EIF3E: variants seen among roughly 807,000 people sequenced by gnomAD.
EIF3E encodes the protein eukaryotic translation initiation factor 3 subunit E.
Under a neutral mutation model 59.3 loss-of-function variants are expected in EIF3E, and 25 were observed. That is an observed-to-expected ratio of 0.42 (90% CI 0.31 to 0.59). EIF3E has a LOEUF of 0.59. Ranked by LOEUF, EIF3E falls within the 20% of genes least tolerant of loss-of-function variation. The pLI is 0.15. For missense variants in EIF3E, 317 were observed against 534.3 expected (o/e 0.59, Z 4.01); for synonymous variants, 176 against 170.2 (o/e 1.03, Z -0.26).
chr8:108,237,747 C>G (rs948245906), intron 3 of EIF3E, among the ~76,000 whole-genome samples: 1 of 152,102 alleles, frequency 6.6e-6, no homozygotes, highest in Non-Finnish European at 1.5e-5. Context: ...TCAACAAAAA[C>G]TGAACATTTG....
At chr8:108,240,807 C>T (rs1308139776) in intron 2 of EIF3E, among the ~76,000 whole-genome samples, 1 of 152,076 alleles carries the variant, frequency 6.6e-6, no homozygotes, top group African/African-American at 2.4e-5. Context: ...TGGTGAAACC[C>T]CGTCTCTACT....
At chr8:108,229,308 C>CA (rs1436518508) in intron 5 of EIF3E, 113 bp from the exon 6 acceptor site, 1 of 1,063,856 alleles carries the variant, frequency 9.4e-7, no homozygotes, top group Non-Finnish European at 1.3e-6. Flanking sequence ...TAGCTTTCTA[C>CA]AAAAAACTGT....
chr8:108,216,767 A>G (rs1815312819), intron 8 of EIF3E, among the ~76,000 whole-genome samples: 1 of 152,110 alleles, frequency 6.6e-6, no homozygotes, highest in African/African-American at 2.4e-5. Context: ...TCTACTACCA[A>G]AAGTCTCCCT....
At chr8:108,243,678 T>A (rs1347015005) in intron 1 of EIF3E, among the ~76,000 whole-genome samples, 2 of 151,764 alleles carry the variant, frequency 1.3e-5, no homozygotes, top group African/African-American at 4.8e-5. Flanking sequence ...TGTAATGTTT[T>A]ATTTATTAAT....
chr8:108,225,848 A>G (rs1035580489), intron 7 of EIF3E, among the ~76,000 whole-genome samples: 2 of 151,968 alleles, frequency 1.3e-5, no homozygotes, highest in Non-Finnish European at 2.9e-5. Context: ...AAAAATGTAA[A>G]GCAATGTCAC....
At chr8:108,242,943 T>C (rs1815868122) in intron 1 of EIF3E, 1 of 153,236 alleles carries the variant, frequency 6.5e-6, no homozygotes, top group Non-Finnish European at 1.5e-5. Flanking sequence ...GTAAGATTTT[T>C]ATCTCCCAAA....
chr8:108,227,320 T>C (rs185801012), intron 7 of EIF3E: 2 of 151,676 alleles, frequency 1.3e-5, no homozygotes, highest in East Asian at 1.9e-4. Context: ...CCAGACATTA[T>C]CTAAAAAAAA....
chr8:108,221,756 C>T (rs866926549), intron 7 of EIF3E, among the ~76,000 whole-genome samples: 6 of 132,090 alleles, frequency 4.5e-5, no homozygotes, highest in Non-Finnish European at 7.4e-5. Context: ...TCTGTCTCAA[C>T]TACTTAGATC....
intron 9 of EIF3E, among the ~76,000 whole-genome samples, chr8:108,216,129 C>T (rs552500775): frequency 1.3e-5 from 2 of 152,162 alleles, no homozygotes; most frequent in African/African-American, 2.4e-5. Flanking sequence ...ATTTAAATTA[C>T]CCCCAATGTT....
intron 1 of EIF3E, chr8:108,242,544 A>G (rs1815857902): frequency 1.7e-6 from 2 of 1,170,268 alleles, no homozygotes; most frequent in South Asian, 3.5e-5. Context: ...AAAAGAAAAG[A>G]TTTCTGTACT....
intron 7 of EIF3E, among the ~76,000 whole-genome samples, chr8:108,220,667 C>T (rs565332121): frequency 6.0e-4 from 92 of 152,282 alleles, no homozygotes; most frequent in Non-Finnish European, 1.1e-3. Flanking sequence ...TGTTTGATAA[C>T]GGGTTGGGGG....
chr8:108,218,184 CT>C (rs1228756697), intron 7 of EIF3E, among the ~76,000 whole-genome samples: 1 of 37,862 alleles, frequency 2.6e-5, no homozygotes, highest in Non-Finnish European at 5.2e-5. Flanking sequence ...TCAGAATTAT[CT>C]GTCAATAAAG....
intron 10 of EIF3E, among the ~76,000 whole-genome samples, chr8:108,211,134 A>G (rs1325961899): frequency 1.3e-5 from 2 of 152,124 alleles, no homozygotes; most frequent in Non-Finnish European, 2.9e-5. Flanking sequence ...GCTGGGTCAA[A>G]TGGTATTTCT....
chr8:108,227,051 C>G (rs1010493715), intron 7 of EIF3E, among the ~76,000 whole-genome samples: 1 of 151,972 alleles, frequency 6.6e-6, no homozygotes, highest in Non-Finnish European at 1.5e-5. Context: ...AGGGCTGGGC[C>G]CAGTGGCTCA....
At chr8:108,225,593 C>G (rs958475491) in intron 7 of EIF3E, among the ~76,000 whole-genome samples, 5 of 151,522 alleles carry the variant, frequency 3.3e-5, no homozygotes, top group African/African-American at 7.4e-5. Context: ...TACAAACAAC[C>G]TTTTAAAAAC....
chr8:108,202,555 T>G (rs1352128122), intron 12 of EIF3E, among the ~76,000 whole-genome samples: 1 of 152,094 alleles, frequency 6.6e-6, no homozygotes, highest in Non-Finnish European at 1.5e-5. Flanking sequence ...ATAATGAAAT[T>G]TGTATAAGAT....
intron 11 of EIF3E, 37 bp downstream of exon 11, chr8:108,203,364 A>T (rs199613801): frequency 1.3e-6 from 2 of 1,548,330 alleles, no homozygotes; most frequent in Non-Finnish European, 8.9e-7. Flanking sequence ...TATAATCAGG[A>T]ACTGATAGTA....
intron 10 of EIF3E, among the ~76,000 whole-genome samples, chr8:108,211,560 G>A (rs940224986): frequency 1.3e-5 from 2 of 152,060 alleles, no homozygotes; most frequent in Non-Finnish European, 2.9e-5. Flanking sequence ...TCACTCTGAT[G>A]GTAGTTTCTT....
intron 1 of EIF3E, 179 bp from the exon 2 acceptor site, chr8:108,242,092 C>T (rs907454651): frequency 4.1e-6 from 6 of 1,453,114 alleles, no homozygotes; most frequent in Non-Finnish European, 3.7e-6. Context: ...AACCTATAGA[C>T]GTAAAAGTAT....
Sources: gnomAD v4.1 joint callset for allele counts (sites outside exome capture counted in the v4.1 genomes callset) on GRCh38, gnomAD v4.1.1 for gene constraint, MANE v1.5 for transcripts, NCBI Gene and HGNC (gene_info 2026-07-23, HGNC 2026-07-21) for gene names.